Variants in CUX2 observed in about 807,000 individuals in gnomAD.
CUX2 encodes homeobox protein cut-like 2.
Under a neutral mutation model 144.8 loss-of-function variants are expected in CUX2, and 40 were observed. That is an observed-to-expected ratio of 0.28 (90% confidence interval 0.21 to 0.36). The LOEUF is 0.36. Ranked by LOEUF, CUX2 falls within the 10% of genes least tolerant of loss-of-function variation. The probability of loss-of-function intolerance (pLI) is 1.00; values close to 1 mark genes in which losing one functional copy is unlikely to be tolerated. For synonymous variants in CUX2, 827 were observed against 875.6 expected, an observed-to-expected ratio of 0.94 and a Z score of 0.98; for missense variants, 1,615 against 1,994.0, an observed-to-expected ratio of 0.81 and a Z score of 3.62.
intron 4 of CUX2, among the ~76,000 whole-genome samples, chr12:111,264,081 T>A (rs1884264409): frequency 1.3e-5 from 2 of 152,140 alleles, no homozygotes; most frequent in South Asian, 4.2e-4. Flanking sequence ...GGGGGACTCC[T>A]GATGAGATAT....
intron 4 of CUX2, among the ~76,000 whole-genome samples, chr12:111,272,744 G>A (rs1186889312): frequency 2.6e-5 from 4 of 152,174 alleles, no homozygotes; most frequent in Admixed American, 2.6e-4. Flanking sequence ...GATTACAGAT[G>A]TGAGCCACCA....
chr12:111,245,253 C>T (rs1592875951), intron 3 of CUX2, among the ~76,000 whole-genome samples: 1 of 152,074 alleles, frequency 6.6e-6, no homozygotes, highest in East Asian at 1.9e-4. Context: ...ATTGGTGGTG[C>T]AGCCAGGCAC....
At chr12:111,241,715 C>T (rs1230028928) in intron 3 of CUX2, among the ~76,000 whole-genome samples, 1 of 152,266 alleles carries the variant, frequency 6.6e-6, no homozygotes, top group Non-Finnish European at 1.5e-5. Flanking sequence ...ATGTTTCTGG[C>T]CAGGCCCTTG....
intron 1 of CUX2, among the ~76,000 whole-genome samples, chr12:111,159,207 C>T (rs1023815111): frequency 1.3e-5 from 2 of 152,110 alleles, no homozygotes; most frequent in African/African-American, 4.8e-5. Flanking sequence ...AATGCGGTGG[C>T]GCGATCGTAG....
chr12:111,107,425 G>A (rs1338802466), intron 1 of CUX2, among the ~76,000 whole-genome samples: 1 of 152,284 alleles, frequency 6.6e-6, no homozygotes, highest in African/African-American at 2.4e-5. Context: ...AAGATGTCAT[G>A]TACATGTCAC....
intron 13 of CUX2, 31 bp from the exon 14 acceptor site, chr12:111,308,396 G>A: frequency 4.3e-6 from 7 of 1,613,864 alleles, no homozygotes; most frequent in East Asian, 2.2e-5. Flanking sequence ...CGCCCACCAG[G>A]TGCCCTCTCA....
chr12:111,041,450 G>A (rs1202673840), intron 1 of CUX2, among the ~76,000 whole-genome samples: 1 of 152,138 alleles, frequency 6.6e-6, no homozygotes. Flanking sequence ...TATTAGTATT[G>A]TACTAATATT....
In CUX2 at chr12:111,334,624, T is replaced by C; in HGVS notation, c.3110T>C (p.Ile1037Thr). The change falls in exon 19 of 22, where the codon ATC (isoleucine) becomes ACC (threonine). Residue 1037 changes from isoleucine to threonine, a missense_variant. Ile to Thr is a moderately conservative substitution (Grantham distance 89). Transcript: ENST00000261726. ...MYSGSQAPGG[I>T]QEIVAMSPEL... is the part of the protein sequence containing the mutation. ...TCAGGCAGCCAGGCCCCAGGGGGCA[T>C]CCAGGAGATCGTGGCCATGTCCCCC... The C allele has an allele frequency of 6.2e-7, 1 of 1,614,024 alleles. No homozygotes were observed. The highest frequency in any genetic ancestry group is 1.1e-5 in the South Asian group (1 of 91,082).
chr12:111,217,831 G>A (rs1565855438), intron 2 of CUX2, 59 bp from the exon 3 acceptor site: 1 of 1,579,998 alleles, frequency 6.3e-7, no homozygotes, highest in South Asian at 1.1e-5. Flanking sequence ...CTACAAGCAG[G>A]GGCCACGGGG....
intron 18 of CUX2, among the ~76,000 whole-genome samples, chr12:111,331,632 C>T (rs1033852345): frequency 3.3e-5 from 5 of 152,006 alleles, no homozygotes; most frequent in African/African-American, 1.2e-4. Context: ...CTCTCGATGG[C>T]CCCAAGTAGT....
Position 111,212,671 on chromosome 12 carries a change from G to A in CUX2, c.64-1529G>A, listed in dbSNP as rs540809515. On this transcript the variant is annotated intron_variant, in intron 1 of 21. Coordinates refer to ENST00000261726, the MANE Select transcript of CUX2 (RefSeq NM_015267.4). ...TTGCCTCTATTTCAAAGCTACTTTG[G>A]TGCCTCTACCTTCTCCCTTCTAGTC... is the stretch of plus-strand genomic sequence containing the variant. Among the ~76,000 whole-genome samples the A allele has an allele frequency of 5.6e-4, 85 of 152,292 alleles. 1 individual carries two copies. The highest frequency in any genetic ancestry group is 4.1e-3 in the Admixed American group (63 of 15,304).
Position 111,293,655 on chromosome 12 carries a change from T to C in CUX2, c.560+86T>C. On this transcript the variant is annotated intron_variant, in intron 6 of 21. Transcript: ENST00000261726. This position sits in a 1 kb window ranked among gnomAD's most constrained non-coding sequence, Gnocchi z 4.5. Reference sequence around the variant, plus strand: ...CTGGCTGGGTCGTGGACGGGGAAAGTCTCCTACCAGAATCCAGATGCAGGC... The same window carrying C: ...CTGGCTGGGTCGTGGACGGGGAAAGCCTCCTACCAGAATCCAGATGCAGGC... The C allele has an allele frequency of 2.0e-6, 3 of 1,485,028 alleles. No individual in the cohort carries two copies. Among genetic ancestry groups the C allele is most frequent in the Non-Finnish European group, 1.8e-6 (2 of 1,110,592 alleles). 92.0% of individuals were successfully genotyped at this position (1,485,028 alleles called of 1,614,324 possible).
chr12:111,296,399 G>T (rs950565820), intron 7 of CUX2, 74 bp from the exon 8 acceptor site: 30 of 1,382,246 alleles, frequency 2.2e-5, no homozygotes, highest in Non-Finnish European at 2.9e-5. Context: ...GAAGGAGTGG[G>T]CTCCACCTCC....
At chr12:111,069,776 A>C (rs1191630369) in intron 1 of CUX2, among the ~76,000 whole-genome samples, 1 of 151,944 alleles carries the variant, frequency 6.6e-6, no homozygotes, top group South Asian at 2.1e-4. Context: ...TCTCATTTTT[A>C]CCTTAAATAC....
chr12:111,133,929 C>A (rs1875675586), intron 1 of CUX2, among the ~76,000 whole-genome samples: 1 of 152,120 alleles, frequency 6.6e-6, no homozygotes, highest in Admixed American at 6.6e-5. Context: ...TCCCACCTGT[C>A]CCCATCCTAA....
intron 1 of CUX2, among the ~76,000 whole-genome samples, chr12:111,211,914 A>T (rs1039588154): frequency 6.6e-6 from 1 of 151,936 alleles, no homozygotes; most frequent in Non-Finnish European, 1.5e-5. Flanking sequence ...TGTCAGACAC[A>T]CAATAATCCA....
chr12:111,143,648 C>T (rs1208799444), intron 1 of CUX2, among the ~76,000 whole-genome samples: 1 of 152,266 alleles, frequency 6.6e-6, no homozygotes, highest in Non-Finnish European at 1.5e-5. Flanking sequence ...GTTATGCTCA[C>T]TTAAAGAGAC....
chr12:111,138,242 T>C (rs1026257091), intron 1 of CUX2, among the ~76,000 whole-genome samples: 5 of 152,218 alleles, frequency 3.3e-5, no homozygotes, highest in African/African-American at 9.6e-5. Context: ...GCTCACTTCA[T>C]TGATAATTAA....
At chr12:111,191,263 T>A (rs931966278) in intron 1 of CUX2, among the ~76,000 whole-genome samples, 2 of 151,742 alleles carry the variant, frequency 1.3e-5, no homozygotes, top group Non-Finnish European at 2.9e-5. Flanking sequence ...CCCACAGGGG[T>A]CATTGTGTGG....
Sources: allele counts gnomAD v4.1 joint callset (sites outside exome capture counted in the v4.1 genomes callset), GRCh38; gene constraint gnomAD v4.1.1; non-coding constraint Gnocchi (gnomAD v3.1); transcripts MANE v1.5; gene names NCBI Gene and HGNC (gene_info 2026-07-23, HGNC 2026-07-21).